Variants in SYN2 observed in about 807,000 individuals in gnomAD.
SYN2 encodes synapsin-2.
A neutral mutation model predicts 50.9 loss-of-function variants in SYN2; 19 were observed. The ratio of observed to expected loss-of-function variants is 0.37; its 90% confidence interval spans 0.26 to 0.55. SYN2 has a LOEUF of 0.55. Among genes scored for constraint, SYN2 ranks in the 20% least tolerant of loss-of-function variants. SYN2 has a pLI of 0.81. For synonymous variants in SYN2, 255 were observed against 224.9 expected, an observed-to-expected ratio of 1.13 and a Z score of -1.20; for missense variants, 587 against 576.4, an observed-to-expected ratio of 1.02 and a Z score of -0.19.
chr3:12,174,375 C>G (rs940763063), intron 10 of SYN2, among the ~76,000 whole-genome samples: 19 of 152,276 alleles, frequency 1.2e-4, no homozygotes, highest in African/African-American at 4.6e-4. Flanking sequence ...TAGGCCCCTA[C>G]CTGCCTCTTT....
chr3:12,056,926 T>C (rs1301919338), intron 1 of SYN2, among the ~76,000 whole-genome samples: 1 of 152,210 alleles, frequency 6.6e-6, no homozygotes, highest in East Asian at 1.9e-4. Context: ...TAATCTGTTA[T>C]ATAAAAGACT....
At chr3:12,042,595 A>G (rs1694642457) in intron 1 of SYN2, among the ~76,000 whole-genome samples, 1 of 152,194 alleles carries the variant, frequency 6.6e-6, no homozygotes, top group Non-Finnish European at 1.5e-5. Context: ...AGGAGGGTGT[A>G]GTGGGTTGAA....
chr3:12,158,591 G>A (rs1697531426), intron 5 of SYN2: 9 of 1,485,938 alleles, frequency 6.1e-6, no homozygotes, highest in Non-Finnish European at 8.2e-6. Flanking sequence ...AGAGACAACC[G>A]GTAAGAATTT....
At chr3:12,094,781 A>G (rs1695893896) in intron 1 of SYN2, among the ~76,000 whole-genome samples, 1 of 152,232 alleles carries the variant, frequency 6.6e-6, no homozygotes, top group Non-Finnish European at 1.5e-5. Flanking sequence ...ACAAGGAGAG[A>G]AGAGTAAAGC....
intron 1 of SYN2, among the ~76,000 whole-genome samples, chr3:12,120,566 T>A (rs1461307197): frequency 2.0e-5 from 3 of 152,232 alleles, no homozygotes; most frequent in African/African-American, 7.2e-5. Flanking sequence ...CCAGTCTGGC[T>A]GTGTCTTTCA....
At position 12,040,464 on chromosome 3, in the gene SYN2, G is replaced by A. The variant is rs151189529; in HGVS notation, c.377+35536G>A. Among the ~76,000 whole-genome samples, 22 of 131,144 alleles carry A rather than the reference G, an allele frequency of 1.7e-4. No homozygotes were observed. In the East Asian group the frequency reaches 4.8e-3, roughly 29 times the overall value. 86.0% of individuals were successfully genotyped at this position (131,144 alleles called of 152,430 possible). A position where few individuals can be genotyped will look rare whatever the true frequency, so the allele number is the denominator to read the frequency against. Reference sequence around the variant, plus strand: ...TTTTTTTTTTTTGAGACGGAGTTTCGCTGTGTCGCTCAGGCTGGAGTGCGG... The same window carrying A: ...TTTTTTTTTTTTGAGACGGAGTTTCACTGTGTCGCTCAGGCTGGAGTGCGG... On this transcript the variant is annotated intron_variant, in intron 1 of 12. Transcript: ENST00000621198.
At chr3:12,137,669 C>G (rs1021983858) in intron 1 of SYN2, among the ~76,000 whole-genome samples, 4 of 152,154 alleles carry the variant, frequency 2.6e-5, no homozygotes, top group Non-Finnish European at 5.9e-5. Context: ...GTGCTGAAAG[C>G]ATATCACTAA....
intron 1 of SYN2, among the ~76,000 whole-genome samples, chr3:12,091,122 T>A (rs1695815859): frequency 6.6e-6 from 1 of 152,188 alleles, no homozygotes; most frequent in African/African-American, 2.4e-5. Context: ...TATAATAGTT[T>A]GCTTTCAGAG....
intron 9 of SYN2, 84 bp from the exon 10 acceptor site, chr3:12,169,673 T>G: frequency 6.6e-7 from 1 of 1,517,854 alleles, no homozygotes; most frequent in African/African-American, 1.4e-5. Context: ...TCTGCTGGCT[T>G]AATTCCTACC....
At chr3:12,095,419 G>A (rs1349856622) in intron 1 of SYN2, among the ~76,000 whole-genome samples, 3 of 83,460 alleles carry the variant, frequency 3.6e-5, no homozygotes, top group Non-Finnish European at 7.0e-5. Context: ...ATGGTGGCGG[G>A]CACCTGTAGT....
chr3:12,106,738 T>G (rs2125192961), intron 1 of SYN2, among the ~76,000 whole-genome samples: 1 of 152,254 alleles, frequency 6.6e-6, no homozygotes, highest in East Asian at 1.9e-4. Context: ...AATAATTATA[T>G]AATTCAGGGC....
At chr3:12,091,240 CTA>C (rs1291794051) in intron 1 of SYN2, among the ~76,000 whole-genome samples, 3 of 152,252 alleles carry the variant, frequency 2.0e-5, no homozygotes, top group East Asian at 1.9e-4. Context: ...AAAAGAATCT[CTA>C]TGGGTATTCT....
At chr3:12,190,128 A>T (rs1698419464) in intron 12 of SYN2, among the ~76,000 whole-genome samples, 2 of 152,214 alleles carry the variant, frequency 1.3e-5, no homozygotes, top group African/African-American at 4.8e-5. Context: ...GTAATGTGAG[A>T]TTCCTAGGTT....
chr3:12,153,227 G>C, intron 5 of SYN2: 1 of 496,432 alleles, frequency 2.0e-6, no homozygotes, highest in South Asian at 2.2e-5. Context: ...TCCTGGGGAG[G>C]AAAGGGAATA....
intron 5 of SYN2, chr3:12,157,496 G>A (rs1479138981): frequency 6.2e-7 from 1 of 1,613,504 alleles, no homozygotes; most frequent in East Asian, 2.2e-5. Context: ...CATAGGAAGA[G>A]AAAAGAGGGA....
chr3:12,123,634 G>A (rs2125204228), intron 1 of SYN2, among the ~76,000 whole-genome samples: 1 of 152,188 alleles, frequency 6.6e-6, no homozygotes, highest in South Asian at 2.1e-4. Flanking sequence ...ACACACACGA[G>A]GATAAGATGG....
chr3:12,070,981 A>G (rs561367135), intron 1 of SYN2: 2 of 547,790 alleles, frequency 3.7e-6, no homozygotes, highest in African/African-American at 3.8e-5. Context: ...CCTGGTCATC[A>G]CCATTGGCAA....
At chr3:12,126,431 C>T (rs894066450) in intron 1 of SYN2, among the ~76,000 whole-genome samples, 2 of 152,142 alleles carry the variant, frequency 1.3e-5, no homozygotes, top group Non-Finnish European at 2.9e-5. Context: ...CTTGAAATGC[C>T]CTTTCCACAT....
At chr3:12,146,643 T>G (rs1697156263) in intron 4 of SYN2, among the ~76,000 whole-genome samples, 2 of 152,192 alleles carry the variant, frequency 1.3e-5, no homozygotes. Context: ...TCCCATAGAT[T>G]GAGGCTCCTA....
Sources: gnomAD v4.1 joint callset for allele counts (sites outside exome capture counted in the v4.1 genomes callset) on GRCh38, gnomAD v4.1.1 for gene constraint, MANE v1.5 for transcripts, NCBI Gene and HGNC (gene_info 2026-07-23, HGNC 2026-07-21) for gene names.